PHF21A: variants seen among roughly 807,000 people sequenced by gnomAD.
PHF21A encodes the protein BHC80a.
Under a neutral mutation model 82.5 loss-of-function variants are expected in PHF21A, and 11 were observed. That is an observed-to-expected ratio of 0.13 (90% CI 0.08 to 0.22). The LOEUF (loss-of-function observed/expected upper bound fraction) is 0.22, where lower values mean the gene tolerates loss of function less well. Among genes scored for constraint, PHF21A ranks in the 10% least tolerant of loss-of-function variants. PHF21A has a pLI of 1.00. For missense variants in PHF21A, 579 were observed against 837.8 expected, an observed-to-expected ratio of 0.69 and a Z score of 3.81; for synonymous variants, 297 against 302.8, an observed-to-expected ratio of 0.98 and a Z score of 0.20.
chr11:46,108,424 C>A (rs2097175156), intron 1 of PHF21A, among the ~76,000 whole-genome samples: 1 of 151,942 alleles, frequency 6.6e-6, no homozygotes, highest in South Asian at 2.1e-4. Context: ...ATCTTACCCA[C>A]CTCTCTTCCT....
chr11:46,113,329 GCA>G (rs1370621423), intron 1 of PHF21A, among the ~76,000 whole-genome samples: 1 of 152,068 alleles, frequency 6.6e-6, no homozygotes, highest in African/African-American at 2.4e-5. Context: ...CTCTGATGTG[GCA>G]CACAGTTTCT....
intron 6 of PHF21A, among the ~76,000 whole-genome samples, chr11:46,068,481 CA>C (rs2096620252): frequency 6.6e-6 from 1 of 152,128 alleles, no homozygotes; most frequent in Admixed American, 6.5e-5. Context: ...CACTGCCTAT[CA>C]CTCAAAAATT....
chr11:46,039,234 C>T (rs895413826), intron 6 of PHF21A, among the ~76,000 whole-genome samples: 2 of 152,152 alleles, frequency 1.3e-5, no homozygotes, highest in Non-Finnish European at 2.9e-5. Flanking sequence ...CTCCTGTTTT[C>T]GTGCATTCGC....
chr11:46,090,509 A>C lies in PHF21A; in HGVS notation c.-138T>G, dbSNP rs538929676. ...GAAGTATTCAAGAATGCTGCATATCATATCCCCCTCTTGGAGATTCACAAT... is the reference window on the plus strand; with the variant it reads ...GAAGTATTCAAGAATGCTGCATATCCTATCCCCCTCTTGGAGATTCACAAT... On this transcript the variant is annotated 5_prime_UTR_variant, in exon 3 of 19. The change abolishes an upstream ATG in the 5' untranslated region. Coordinates refer to ENST00000676320, the MANE Select transcript of PHF21A (RefSeq NM_001352027.3). 1 of 152,322 alleles carries C rather than the reference A, an allele frequency of 6.6e-6. No individual in the cohort carries two copies. The highest frequency in any genetic ancestry group is 2.4e-5 in the African/African-American group (1 of 41,558). 9.4% of individuals were successfully genotyped at this position (152,322 alleles called of 1,614,324 possible).
At chr11:46,017,565 G>A (rs533729128) in intron 6 of PHF21A, among the ~76,000 whole-genome samples, 1 of 150,528 alleles carries the variant, frequency 6.6e-6, no homozygotes, top group South Asian at 2.1e-4. Flanking sequence ...TACAGTTCAG[G>A]ATTTGCCCTT....
intron 6 of PHF21A, among the ~76,000 whole-genome samples, chr11:45,997,267 C>A (rs1299848116): frequency 6.6e-6 from 1 of 152,162 alleles, no homozygotes; most frequent in Non-Finnish European, 1.5e-5. Context: ...TACAAACTTA[C>A]ATTGCTGTAT....
intron 10 of PHF21A, among the ~76,000 whole-genome samples, chr11:45,957,240 T>G (rs1017040176): frequency 6.6e-6 from 1 of 152,056 alleles, no homozygotes; most frequent in Non-Finnish European, 1.5e-5. Context: ...GTGCAGAGAT[T>G]AAAAAGGACA....
intron 6 of PHF21A, among the ~76,000 whole-genome samples, chr11:46,013,601 A>G (rs1461510729): frequency 6.6e-6 from 1 of 152,178 alleles, no homozygotes; most frequent in Non-Finnish European, 1.5e-5. Context: ...TAACAGGGAT[A>G]TGTCCTGAGA....
intron 1 of PHF21A, among the ~76,000 whole-genome samples, chr11:46,117,482 T>A (rs1170472067): frequency 4.6e-5 from 7 of 152,240 alleles, no homozygotes; most frequent in Admixed American, 6.5e-5. Flanking sequence ...CTAACTTAAG[T>A]ACATCAACCA....
chr11:46,001,126 T>A (rs2095112137), intron 6 of PHF21A, among the ~76,000 whole-genome samples: 1 of 151,838 alleles, frequency 6.6e-6, no homozygotes, highest in African/African-American at 2.4e-5. Flanking sequence ...ACAACTGAAA[T>A]AATTCACTGG....
At chr11:46,046,333 C>T (rs761419937) in intron 6 of PHF21A, among the ~76,000 whole-genome samples, 1 of 152,144 alleles carries the variant, frequency 6.6e-6, no homozygotes, top group Non-Finnish European at 1.5e-5. Context: ...GCAAGGGAAA[C>T]CCACTTCTGG....
rs1330867439 is a variant in PHF21A, at chr11:45,931,857, A to T, written c.*2111T>A. ...TTTACTTCTGACAAGGCAAGATGAG[A>T]GAATGGTCTGAGTCTTTCACAACCC... is the stretch of plus-strand genomic sequence containing the variant. On this transcript the variant is annotated 3_prime_UTR_variant, in exon 19 of 19. Transcript: ENST00000676320. 6.6e-6 allele frequency: 1 copy of T among 152,278 alleles called. No homozygotes were observed. The highest frequency in any genetic ancestry group is 1.5e-5 in the Non-Finnish European group (1 of 68,066). The allele number at this position is 152,278 out of a possible 1,614,324, so 9.4% of individuals were successfully genotyped here.
At chr11:46,032,497 C>A (rs775789493) in intron 6 of PHF21A, among the ~76,000 whole-genome samples, 1 of 152,008 alleles carries the variant, frequency 6.6e-6, no homozygotes, top group Non-Finnish European at 1.5e-5. Flanking sequence ...CAATTCTCCA[C>A]TATTATTTAA....
At chr11:45,999,372 G>C (rs1287844124) in intron 6 of PHF21A, among the ~76,000 whole-genome samples, 1 of 152,148 alleles carries the variant, frequency 6.6e-6, no homozygotes, top group African/African-American at 2.4e-5. Context: ...AGTAAGGCAA[G>C]TTTCCCTGCT....
chr11:45,993,895 G>C (rs1038718342), intron 6 of PHF21A, among the ~76,000 whole-genome samples: 5 of 152,042 alleles, frequency 3.3e-5, no homozygotes, highest in African/African-American at 4.8e-5. Context: ...TATCTGAGAT[G>C]AATTTCCTAG....
intron 6 of PHF21A, among the ~76,000 whole-genome samples, chr11:46,005,109 G>A (rs1190453520): frequency 6.6e-6 from 1 of 152,132 alleles, no homozygotes; most frequent in Admixed American, 6.5e-5. Context: ...CAGTTACCAA[G>A]AGCAACCGCA....
At chr11:45,952,679 C>T (rs190034579) in intron 11 of PHF21A, among the ~76,000 whole-genome samples, 2 of 152,252 alleles carry the variant, frequency 1.3e-5, no homozygotes, top group Non-Finnish European at 2.9e-5. Context: ...TTTTAGGAAA[C>T]CTGAACTGGC....
At chr11:46,105,854 T>C (rs925343393) in intron 1 of PHF21A, among the ~76,000 whole-genome samples, 1 of 152,222 alleles carries the variant, frequency 6.6e-6, no homozygotes, top group Admixed American at 6.5e-5. Flanking sequence ...TCTGAATATC[T>C]TGATAGGTGT....
intron 18 of PHF21A, chr11:45,934,967 G>A (rs1298484725): frequency 4.2e-6 from 2 of 480,112 alleles, no homozygotes; most frequent in African/African-American, 4.0e-5. Context: ...GGCACCACCT[G>A]GTATCCATGA....
Sources: allele counts gnomAD v4.1 joint callset (sites outside exome capture counted in the v4.1 genomes callset), GRCh38; gene constraint gnomAD v4.1.1; transcripts MANE v1.5; gene names NCBI Gene and HGNC (gene_info 2026-07-23, HGNC 2026-07-21).